NNMT: variants seen among roughly 807,000 people sequenced by gnomAD.
The protein encoded by NNMT is nicotinamide N-methyltransferase.
Under a neutral mutation model 11.7 loss-of-function variants are expected in NNMT, and 10 were observed. The observed-to-expected ratio is 0.85, with a 90% CI of 0.53 to 1.45. NNMT has a LOEUF of 1.45. Ranked by LOEUF, NNMT falls within the 40% of genes most tolerant of loss-of-function variation. NNMT has a pLI of 0.00. For synonymous variants in NNMT, 143 were observed against 133.8 expected, an observed-to-expected ratio of 1.07 and a Z score of -0.48; for missense variants, 381 against 319.4, an observed-to-expected ratio of 1.19 and a Z score of -1.47.
intron 2 of NNMT, among the ~76,000 whole-genome samples, chr11:114,300,592 TTC>T (rs1208969671): frequency 1.9e-5 from 1 of 51,604 alleles, no homozygotes; most frequent in Non-Finnish European, 4.3e-5. Flanking sequence ...TTTGTTTACT[TTC>T]TCTGTCAATT....
chr11:114,285,950 T>C (rs536196343), intron 2 of NNMT, among the ~76,000 whole-genome samples: 25 of 152,334 alleles, frequency 1.6e-4, no homozygotes, highest in African/African-American at 4.6e-4. Flanking sequence ...CCCTCTGATC[T>C]ACAGTAGGCC....
At chr11:114,303,447 G>C (rs887486194) in intron 2 of NNMT, among the ~76,000 whole-genome samples, 1 of 152,022 alleles carries the variant, frequency 6.6e-6, no homozygotes, top group African/African-American at 2.4e-5. Context: ...TTGGACATTT[G>C]CTTTTGGTTT....
At chr11:114,269,733 C>G (rs1326332615) in intron 2 of NNMT, among the ~76,000 whole-genome samples, 1 of 152,212 alleles carries the variant, frequency 6.6e-6, no homozygotes, top group Non-Finnish European at 1.5e-5. Flanking sequence ...CCTCTCACCT[C>G]CAGCTCACTC....
intron 1 of NNMT, among the ~76,000 whole-genome samples, chr11:114,261,146 G>A (rs539316589): frequency 6.6e-6 from 1 of 152,326 alleles, no homozygotes; most frequent in Admixed American, 6.5e-5. Context: ...ACGGAGCCAG[G>A]GACCCAGGAG....
At chr11:114,282,392 A>G (rs1274211612) in intron 2 of NNMT, among the ~76,000 whole-genome samples, 3 of 152,224 alleles carry the variant, frequency 2.0e-5, no homozygotes, top group Non-Finnish European at 4.4e-5. Context: ...TCTAGAATAT[A>G]CAAGGAACTA....
At chr11:114,282,077 C>T (rs962869446) in intron 2 of NNMT, among the ~76,000 whole-genome samples, 6 of 152,048 alleles carry the variant, frequency 3.9e-5, no homozygotes, top group South Asian at 2.1e-4. Context: ...AAATTAAAAA[C>T]GCCAGGCATG....
intron 2 of NNMT, among the ~76,000 whole-genome samples, chr11:114,307,079 C>G (rs892952560): frequency 6.6e-6 from 1 of 152,136 alleles, no homozygotes; most frequent in South Asian, 2.1e-4. Context: ...GAAACATTCC[C>G]GCCTTTTACA....
rs570271752 is a variant in NNMT at position 114,269,076 on chromosome 11, C to G, written c.-130+6142C>G. Reference sequence around the variant, plus strand: ...CACATTTTAAAAAAAAAAGCTGAGGCAAAACGAGACTAAATAACTTGTCCA... The same window carrying G: ...CACATTTTAAAAAAAAAAGCTGAGGGAAAACGAGACTAAATAACTTGTCCA... On this transcript the variant is annotated intron_variant, in intron 2 of 4. Coordinates refer to the NNMT transcript ENST00000535401. Among the ~76,000 whole-genome samples the G allele has an allele frequency of 4.9e-4, 74 of 152,162 alleles. No individual in the cohort carries two copies. The South Asian group carries it at 0.015, about 31-fold the overall frequency.
At chr11:114,259,388 G>A (rs1280303940) in intron 1 of NNMT, among the ~76,000 whole-genome samples, 1 of 150,518 alleles carries the variant, frequency 6.6e-6, no homozygotes, top group Non-Finnish European at 1.5e-5. Context: ...CTGTGCTCAT[G>A]TCGATTCATA....
At chr11:114,300,044 T>C (rs1945422847) in intron 2 of NNMT, among the ~76,000 whole-genome samples, 2 of 152,044 alleles carry the variant, frequency 1.3e-5, no homozygotes, top group Non-Finnish European at 1.5e-5. Context: ...TCACTTTCTT[T>C]CTTCTAGTTA....
At position 114,273,415 on chromosome 11, in the gene NNMT, A is replaced by T. The variant is rs77525350; in HGVS notation, c.-130+10481A>T. Reference sequence around the variant, plus strand: ...CAAATGATATTGATATTTTGTGTCAACCCAGTCTCTCCCTAGCTGGAGAGA... The same window carrying T: ...CAAATGATATTGATATTTTGTGTCATCCCAGTCTCTCCCTAGCTGGAGAGA... On this transcript the variant is annotated intron_variant, in intron 2 of 4. Coordinates refer to the NNMT transcript ENST00000535401. 5.1e-3 allele frequency among the ~76,000 whole-genome samples: 779 copies of T among 152,266 alleles called. 9 individuals are homozygous for T. The highest frequency in any genetic ancestry group is 0.018 in the African/African-American group (758 of 41,546).
chr11:114,285,993 C>T (rs1459820095), intron 2 of NNMT, among the ~76,000 whole-genome samples: 3 of 152,178 alleles, frequency 2.0e-5, no homozygotes, highest in Non-Finnish European at 4.4e-5. Flanking sequence ...AGGACTTCTT[C>T]CAGCATTGGA....
rs79747234 is a variant in NNMT at position 114,303,352 on chromosome 11, C to T, written c.362+5194C>T. 4.1e-4 allele frequency among the ~76,000 whole-genome samples: 62 copies of T among 152,202 alleles called. No homozygotes were observed. In the East Asian group the frequency reaches 0.011, roughly 26 times the overall value. The stretch of plus-strand genomic sequence containing the variant: ...CAAAGTCCCCTGGCATCTCTCTTAC[C>T]AGTATTTATTATTGAAATCTGAGAT... On this transcript the variant is annotated intron_variant, in intron 2 of 2. Transcript: ENST00000299964.
chr11:114,284,774 T>A (rs1945285777), intron 2 of NNMT, among the ~76,000 whole-genome samples: 1 of 114,726 alleles, frequency 8.7e-6, no homozygotes, highest in African/African-American at 3.2e-5. Flanking sequence ...CTTTTTTTTT[T>A]TTTTTTTTTT....
chr11:114,295,664 C>T (rs944633316), upstream of NNMT, among the ~76,000 whole-genome samples: 1 of 151,932 alleles, frequency 6.6e-6, no homozygotes, highest in Non-Finnish European at 1.5e-5. Flanking sequence ...CTCCTGACCT[C>T]GTGATCTGCC....
intron 1 of NNMT, chr11:114,297,483 T>A (rs1945393356): frequency 6.7e-6 from 1 of 149,692 alleles, no homozygotes; most frequent in African/African-American, 2.5e-5. Context: ...AATATGGGAT[T>A]TTTTTTTTTT....
intron 2 of NNMT, among the ~76,000 whole-genome samples, chr11:114,279,034 G>A (rs77341169): frequency 0.022 from 3,298 of 152,296 alleles, 54 homozygotes; most frequent in Middle Eastern, 0.054. Flanking sequence ...GGACGAGGGT[G>A]TGTGTCCTGC....
At chr11:114,303,073 T>A (rs566948271) in intron 2 of NNMT, among the ~76,000 whole-genome samples, 10 of 152,316 alleles carry the variant, frequency 6.6e-5, no homozygotes, top group Admixed American at 2.6e-4. Context: ...CCAAACTAAC[T>A]AAGGCTATAT....
At chr11:114,266,232 G>A (rs972942788) in intron 2 of NNMT, among the ~76,000 whole-genome samples, 1 of 151,702 alleles carries the variant, frequency 6.6e-6, no homozygotes, top group Non-Finnish European at 1.5e-5. Flanking sequence ...ACCCCACCTC[G>A]CTGTTTCCCT....
Sources: allele counts gnomAD v4.1 joint callset (sites outside exome capture counted in the v4.1 genomes callset), GRCh38; gene constraint gnomAD v4.1.1; transcripts MANE v1.5; gene names NCBI Gene and HGNC (gene_info 2026-07-23, HGNC 2026-07-21).